ADGRL3: variants seen among roughly 807,000 people sequenced by gnomAD.
ADGRL3 encodes the protein calcium-independent alpha-latrotoxin receptor 3.
A neutral mutation model predicts 153.5 loss-of-function variants in ADGRL3; 62 were observed. That is an observed-to-expected ratio of 0.40 (90% CI 0.33 to 0.50). The LOEUF (loss-of-function observed/expected upper bound fraction) is 0.50, where lower values mean the gene tolerates loss of function less well. ADGRL3 is among the 20% of genes least tolerant of loss of function. The pLI, the probability that ADGRL3 is intolerant of heterozygous loss-of-function variation, is 0.47. For missense variants in ADGRL3, 1,641 were observed against 1,859.4 expected (o/e 0.88, Z 2.16); for synonymous variants, 710 against 672.5 (o/e 1.06, Z -0.86).
At chr4:62,060,748 GA>G (rs1739643640) in intron 25 of ADGRL3, among the ~76,000 whole-genome samples, 1 of 151,656 alleles carries the variant, frequency 6.6e-6, no homozygotes, top group Non-Finnish European at 1.5e-5. Context: ...AAGGCACCAT[GA>G]TGAACTCTTT....
intron 1 of ADGRL3, among the ~76,000 whole-genome samples, chr4:61,245,974 C>G (rs368616703): frequency 1.3e-5 from 2 of 151,998 alleles, no homozygotes; most frequent in Non-Finnish European, 2.9e-5. Flanking sequence ...GTGAGTCCCC[C>G]CTGCCACAGT....
At chr4:61,517,186 G>T (rs1246513282) in intron 3 of ADGRL3, 129 bp from the exon 4 acceptor site, 24 of 630,566 alleles carry the variant, frequency 3.8e-5, no homozygotes, top group Non-Finnish European at 6.6e-5. Flanking sequence ...AGTAGGGCCT[G>T]GGGTGGCTGG....
chr4:61,865,007 T>G (rs1441978306), intron 9 of ADGRL3, among the ~76,000 whole-genome samples: 1 of 152,222 alleles, frequency 6.6e-6, no homozygotes, highest in Non-Finnish European at 1.5e-5. Context: ...CCTAGTGATT[T>G]TTAGCCTGTT....
At chr4:61,240,114 G>C (rs1257975397) in intron 1 of ADGRL3, among the ~76,000 whole-genome samples, 1 of 152,124 alleles carries the variant, frequency 6.6e-6, no homozygotes, top group East Asian at 1.9e-4. Flanking sequence ...AAGATTTGGT[G>C]TCTGGTGAGG....
chr4:61,802,764 G>T (rs1044773277), intron 8 of ADGRL3, among the ~76,000 whole-genome samples: 1 of 151,402 alleles, frequency 6.6e-6, no homozygotes, highest in African/African-American at 2.4e-5. Context: ...GATGCATTAG[G>T]CATATAATTT....
At chr4:61,907,450 G>C (rs1415635057) in intron 11 of ADGRL3, among the ~76,000 whole-genome samples, 2 of 151,854 alleles carry the variant, frequency 1.3e-5, no homozygotes, top group African/African-American at 4.8e-5. Context: ...CTAGAGACAG[G>C]GTTTCACCAT....
chr4:61,661,158 GTT>G (rs757967013), intron 5 of ADGRL3, among the ~76,000 whole-genome samples: 18 of 151,972 alleles, frequency 1.2e-4, no homozygotes, highest in Admixed American at 3.3e-4. Context: ...AGACTTCTGA[GTT>G]TATTCACTAA....
chr4:61,372,261 C>G (rs376902038), intron 1 of ADGRL3, among the ~76,000 whole-genome samples: 1 of 152,142 alleles, frequency 6.6e-6, no homozygotes, highest in Non-Finnish European at 1.5e-5. Flanking sequence ...AGCTTTGTTC[C>G]GTTGCTGGTG....
intron 5 of ADGRL3, among the ~76,000 whole-genome samples, chr4:61,625,447 C>T (rs1472530219): frequency 6.6e-6 from 1 of 152,000 alleles, no homozygotes; most frequent in African/African-American, 2.4e-5. Flanking sequence ...TATATGCACA[C>T]ATGTATATAC....
chr4:61,767,441 G>A (rs1418757440), intron 8 of ADGRL3, among the ~76,000 whole-genome samples: 1 of 152,114 alleles, frequency 6.6e-6, no homozygotes, highest in Non-Finnish European at 1.5e-5. Flanking sequence ...GTAATGTGGA[G>A]TGAGTAGCCT....
intron 5 of ADGRL3, among the ~76,000 whole-genome samples, chr4:61,671,146 A>T (rs1291984297): frequency 2.6e-5 from 4 of 152,146 alleles, no homozygotes; most frequent in Non-Finnish European, 5.9e-5. Context: ...AAAATAGGCT[A>T]ATTATTTGAA....
intron 9 of ADGRL3, among the ~76,000 whole-genome samples, chr4:61,853,318 T>C (rs1026181881): frequency 6.6e-6 from 1 of 152,162 alleles, no homozygotes; most frequent in Non-Finnish European, 1.5e-5. Context: ...TTTTAGGAGA[T>C]CTATGCTAGG....
intron 4 of ADGRL3, among the ~76,000 whole-genome samples, chr4:61,534,976 A>G (rs1369564143): frequency 6.6e-6 from 1 of 152,034 alleles, no homozygotes; most frequent in African/African-American, 2.4e-5. Context: ...TACTATGTTG[A>G]ATAGGAGTGC....
chr4:61,580,814 A>T (rs2098921626), intron 4 of ADGRL3, among the ~76,000 whole-genome samples: 1 of 152,024 alleles, frequency 6.6e-6, no homozygotes, highest in Non-Finnish European at 1.5e-5. Flanking sequence ...CTTTGCATAA[A>T]ACGAGGGACT....
intron 2 of ADGRL3, among the ~76,000 whole-genome samples, chr4:61,429,696 A>C (rs766150738): frequency 9.2e-5 from 14 of 152,172 alleles, no homozygotes; most frequent in Non-Finnish European, 1.8e-4. Flanking sequence ...TAAGAAATCC[A>C]GATAATAACT....
intron 11 of ADGRL3, among the ~76,000 whole-genome samples, chr4:61,897,757 T>C (rs6551666): frequency 0.25 from 37,571 of 152,052 alleles, 5,094 homozygotes; most frequent in East Asian, 0.45. Flanking sequence ...TTCATCCCTT[T>C]TCTCATCTCC....
At chr4:61,619,334 C>A (rs904744234) in intron 5 of ADGRL3, among the ~76,000 whole-genome samples, 4 of 151,942 alleles carry the variant, frequency 2.6e-5, no homozygotes, top group Admixed American at 2.6e-4. Context: ...CCTCCAATAC[C>A]TTTTTTTTCT....
At chr4:61,314,013 GGA>G (rs1553901077) in intron 1 of ADGRL3, among the ~76,000 whole-genome samples, 1 of 152,030 alleles carries the variant, frequency 6.6e-6, no homozygotes, top group Non-Finnish European at 1.5e-5. Context: ...AGAAACACAG[GGA>G]GAATGTGCAA....
At chr4:61,396,926 A>T (rs1017851245) in intron 2 of ADGRL3, among the ~76,000 whole-genome samples, 3 of 142,046 alleles carry the variant, frequency 2.1e-5, no homozygotes, top group African/African-American at 7.7e-5. Flanking sequence ...TTACTAAATA[A>T]TTTGTTAGCC....
Sources: gnomAD v4.1 joint callset for allele counts (sites outside exome capture counted in the v4.1 genomes callset) on GRCh38, gnomAD v4.1.1 for gene constraint, MANE v1.5 for transcripts, NCBI Gene and HGNC (gene_info 2026-07-23, HGNC 2026-07-21) for gene names.